SORCS3: variants seen among roughly 807,000 people sequenced by gnomAD.
SORCS3 encodes the protein VPS10 domain-containing receptor SorCS3.
A neutral mutation model predicts 146.3 loss-of-function variants in SORCS3; 57 were observed. That is an observed-to-expected ratio of 0.39 (90% CI 0.31 to 0.49). The LOEUF is 0.49. SORCS3 is among the 20% of genes least tolerant of loss of function. SORCS3 has a pLI of 0.92. For synonymous variants in SORCS3, 653 were observed against 618.5 expected, an observed-to-expected ratio of 1.06 and a Z score of -0.83; for missense variants, 1,341 against 1,575.5, an observed-to-expected ratio of 0.85 and a Z score of 2.52.
At chr10:104,801,800 A>G (rs1050098834) in intron 1 of SORCS3, among the ~76,000 whole-genome samples, 6 of 152,264 alleles carry the variant, frequency 3.9e-5, no homozygotes, top group African/African-American at 1.4e-4. Flanking sequence ...AAACTCTTAC[A>G]GTGTCATTGT....
chr10:104,643,142 G>A lies in SORCS3; in HGVS notation c.627+1188G>A, dbSNP rs142434906. Among the ~76,000 whole-genome samples, 867 of 152,332 alleles carry A rather than the reference G, an allele frequency of 5.7e-3. 6 individuals are homozygous for A. Among genetic ancestry groups the A allele is most frequent in the Middle Eastern group, 0.01 (3 of 292 alleles). On this transcript the variant is annotated intron_variant, in intron 1 of 26. Transcript: ENST00000369701. ...GAACCTGGCGTTGGGTAGGGTGCAC[G>A]CTCCAGGCGGAGGATGACGGGTGTC... is the stretch of plus-strand genomic sequence containing the variant.
intron 1 of SORCS3, among the ~76,000 whole-genome samples, chr10:104,647,925 G>A (rs149973232): frequency 8.5e-5 from 13 of 152,306 alleles, no homozygotes; most frequent in African/African-American, 3.1e-4. Flanking sequence ...CATTTTCTGA[G>A]TGTTTCCTGT....
intron 9 of SORCS3, among the ~76,000 whole-genome samples, chr10:105,152,201 C>T (rs1437642840): frequency 6.6e-6 from 1 of 152,188 alleles, no homozygotes; most frequent in Admixed American, 6.5e-5. Flanking sequence ...ACTTATAACT[C>T]CTTACAATAA....
At chr10:104,841,917 C>T (rs1378799146) in intron 1 of SORCS3, among the ~76,000 whole-genome samples, 10 of 152,132 alleles carry the variant, frequency 6.6e-5, no homozygotes, top group East Asian at 3.9e-4. Flanking sequence ...TGATTAAAAT[C>T]GATTCAGGTG....
At chr10:104,747,019 G>A (rs996515523) in intron 1 of SORCS3, among the ~76,000 whole-genome samples, 1 of 152,182 alleles carries the variant, frequency 6.6e-6, no homozygotes, top group African/African-American at 2.4e-5. Context: ...CTGGGTTGAG[G>A]GCAGGGATTC....
chr10:105,184,175 A>G (rs1199901866), intron 14 of SORCS3, among the ~76,000 whole-genome samples: 2 of 152,222 alleles, frequency 1.3e-5, no homozygotes, highest in African/African-American at 4.8e-5. Flanking sequence ...TAAAGATTTT[A>G]GGCTTTGCTG....
At chr10:105,220,551 T>C (rs2056695024) in intron 19 of SORCS3, among the ~76,000 whole-genome samples, 1 of 152,118 alleles carries the variant, frequency 6.6e-6, no homozygotes. Context: ...TGTTGGGGAA[T>C]GGGCTTCATG....
At chr10:104,784,123 C>T (rs57930085) in intron 1 of SORCS3, among the ~76,000 whole-genome samples, 1,781 of 152,248 alleles carry the variant, frequency 0.012, 30 homozygotes, top group African/African-American at 0.04. Context: ...TCTTGTTTTT[C>T]TCTAGGAAAT....
intron 5 of SORCS3, among the ~76,000 whole-genome samples, chr10:105,077,794 G>C (rs1347924420): frequency 6.6e-6 from 1 of 152,202 alleles, no homozygotes; most frequent in East Asian, 1.9e-4. Flanking sequence ...GCAGCTTGGT[G>C]TGTGGGTGTA....
rs945821404 is a variant in SORCS3, at chr10:104,893,720, G to A, written c.696-22113G>A. On this transcript the variant is annotated intron_variant, in intron 2 of 26. Transcript: ENST00000369701. ...ATGCCTTGCCGTATCTGCTCTGCAT[G>A]TCGCAAAGAATCTAGCAATCTCAAT... Among the ~76,000 whole-genome samples the A allele has an allele frequency of 8.5e-5, 13 of 152,268 alleles. 1 individual carries two copies. Among genetic ancestry groups the A allele is most frequent in the Middle Eastern group, 6.8e-3 (2 of 294 alleles).
At chr10:104,884,715 TTTGGGTTCAAGGGA>T (rs2018664366) in intron 2 of SORCS3, among the ~76,000 whole-genome samples, 1 of 152,090 alleles carries the variant, frequency 6.6e-6, no homozygotes, top group African/African-American at 2.4e-5. Flanking sequence ...TAACAGAACA[TTTGGGTTCAAGGGA>T]AAAAAAAAGA....
At chr10:105,205,624 C>T (rs2056598045) in intron 16 of SORCS3, among the ~76,000 whole-genome samples, 1 of 151,892 alleles carries the variant, frequency 6.6e-6, no homozygotes, top group South Asian at 2.1e-4. Flanking sequence ...AGTAGCCCTC[C>T]AGGAGACCTG....
At chr10:104,826,765 GA>G (rs1211515272) in intron 1 of SORCS3, among the ~76,000 whole-genome samples, 1 of 152,148 alleles carries the variant, frequency 6.6e-6, no homozygotes, top group Non-Finnish European at 1.5e-5. Flanking sequence ...CTTCTTTCAT[GA>G]AAGATTTCTC....
intron 14 of SORCS3, among the ~76,000 whole-genome samples, chr10:105,179,926 T>C (rs2056432760): frequency 6.6e-6 from 1 of 152,228 alleles, no homozygotes; most frequent in Non-Finnish European, 1.5e-5. Flanking sequence ...ATTCAAATAC[T>C]GTGTATCCTT....
rs201390776 is a variant in SORCS3 at position 104,942,806 on chromosome 10, A to T, written c.795+26874A>T. On this transcript the variant is annotated intron_variant, in intron 3 of 26. Transcript: ENST00000369701. ...TTAATGAGATAAAGTGTAGTTTTTA[A>T]GAAGCCAAAAACCTACAGCAAACCT... Among the ~76,000 whole-genome samples the T allele has an allele frequency of 9.9e-5, 15 of 152,254 alleles. No individual in the cohort carries two copies. In the East Asian group the frequency reaches 2.7e-3, roughly 27 times the overall value.
chr10:105,063,534 T>C (rs1188727676), intron 5 of SORCS3, among the ~76,000 whole-genome samples: 2 of 152,228 alleles, frequency 1.3e-5, no homozygotes, highest in African/African-American at 4.8e-5. Context: ...CTTTTGTATA[T>C]AACTTCAAAT....
chr10:104,902,275 G>T (rs2018859474), intron 2 of SORCS3, among the ~76,000 whole-genome samples: 1 of 152,188 alleles, frequency 6.6e-6, no homozygotes, highest in Non-Finnish European at 1.5e-5. Flanking sequence ...TTCTGACTGG[G>T]ACTCTGGCTC....
At chr10:105,222,181 C>A (rs1665498204) in intron 19 of SORCS3, among the ~76,000 whole-genome samples, 1 of 151,220 alleles carries the variant, frequency 6.6e-6, no homozygotes, top group African/African-American at 2.4e-5. Flanking sequence ...GCCTCAGCCT[C>A]CCAAGTAGCT....
At chr10:104,879,471 A>C (rs1385669409) in intron 2 of SORCS3, among the ~76,000 whole-genome samples, 1 of 152,194 alleles carries the variant, frequency 6.6e-6, no homozygotes, top group Admixed American at 6.5e-5. Flanking sequence ...ATAACCCAGG[A>C]TAATCTCCTG....
Sources: allele counts gnomAD v4.1 joint callset (sites outside exome capture counted in the v4.1 genomes callset), GRCh38; gene constraint gnomAD v4.1.1; transcripts MANE v1.5; gene names NCBI Gene and HGNC (gene_info 2026-07-23, HGNC 2026-07-21).